The following WNT1 variants were observed in gnomAD, a reference collection of about 807,000 sequenced individuals.
WNT1 encodes the protein Wnt family member 1, also known as proto-oncogene Wnt-1.
In WNT1, 10 loss-of-function variants were observed where a neutral mutation model predicts 21.3. The observed-to-expected ratio is 0.47, with a 90% CI of 0.29 to 0.80. WNT1 has a LOEUF of 0.80. Ranked by LOEUF, WNT1 falls within the 30% of genes least tolerant of loss-of-function variation. The probability of loss-of-function intolerance (pLI) is 0.09; values close to 1 mark genes in which losing one functional copy is unlikely to be tolerated. For synonymous variants in WNT1, 208 were observed against 236.3 expected (o/e 0.88, Z 1.10); for missense variants, 476 against 534.1 (o/e 0.89, Z 1.07).
Position 48,979,579 on chromosome 12 carries a change from A to G in WNT1, c.216A>G (p.Ile72Met). The G allele has an allele frequency of 6.2e-7, 1 of 1,614,108 alleles. No individual in the cohort carries two copies. The highest frequency in any genetic ancestry group is 8.5e-7 in the Non-Finnish European group (1 of 1,180,036). ...QLLSRKQRRL[I>M]RQNPGILHSV... is the part of the protein sequence containing the mutation. ...TGAGCCGCAAACAGCGGCGTCTGAT[A>G]CGCCAAAATCCGGGGATCCTGCACA... The change falls in exon 2 of 4, where the codon ATA (isoleucine) becomes ATG (methionine). Residue 72 changes from isoleucine to methionine, a missense_variant. Ile to Met is a conservative substitution (Grantham distance 10, BLOSUM62 1). Coordinates refer to ENST00000293549, the MANE Select transcript of WNT1 (RefSeq NM_005430.4). The surrounding 1 kb of genome is among the most constrained non-coding windows in gnomAD (Gnocchi z 6.0).
chr12:48,981,099 G>A lies in WNT1; in HGVS notation c.625-53G>A. 1 of 1,594,674 alleles carries A rather than the reference G, an allele frequency of 6.3e-7. No individual in the cohort carries two copies. Among genetic ancestry groups the A allele is most frequent in the South Asian group, 1.1e-5 (1 of 88,198 alleles). ...GTCCGGGAGAGGGCAGTGTCTGGGAGGGTGACTCTGGCCCGGTGCCCTGGG... is the reference window on the plus strand; with the variant it reads ...GTCCGGGAGAGGGCAGTGTCTGGGAAGGTGACTCTGGCCCGGTGCCCTGGG... On this transcript the variant is annotated intron_variant, in intron 3 of 3. Transcript: ENST00000293549. This position sits in a 1 kb window ranked among gnomAD's most constrained non-coding sequence, Gnocchi z 7.4.
Position 48,980,762 on chromosome 12 carries a change from G to A in WNT1, c.624+73G>A. ...CCTCGGGCTGGGGAAGTGACGGTCG[G>A]TGAGATAAGGCAAGGGGCACCAGGA... On this transcript the variant is annotated intron_variant, in intron 3 of 3. Transcript: ENST00000293549. This position sits in a 1 kb window ranked among gnomAD's most constrained non-coding sequence, Gnocchi z 7.0. The A allele has an allele frequency of 4.8e-6, 7 of 1,468,598 alleles. No homozygotes were observed. The highest frequency in any genetic ancestry group is 5.4e-6 in the Non-Finnish European group (6 of 1,109,952). 91.0% of individuals were successfully genotyped at this position (1,468,598 alleles called of 1,614,324 possible).
At position 48,978,834 on chromosome 12, in the gene WNT1, G is replaced by A. The variant is rs540816737; in HGVS notation, c.104+80G>A. 6.4e-5 allele frequency: 64 copies of A among 1,005,512 alleles called. 1 individual carries two copies. In the South Asian group the frequency reaches 1.0e-3, roughly 16 times the overall value. The allele number at this position is 1,005,512 out of a possible 1,614,324, so 62.3% of individuals were successfully genotyped here. On this transcript the variant is annotated intron_variant, in intron 1 of 3. Coordinates refer to ENST00000293549, the MANE Select transcript of WNT1 (RefSeq NM_005430.4). The surrounding 1 kb of genome is among the most constrained non-coding windows in gnomAD (Gnocchi z 7.4). ...AACCCTACCCAGCTCCCACGCTCTG[G>A]GATCCGTCTGCCGACAGGCTCCCTC...
In WNT1 at chr12:48,979,612, T is replaced by C. The variant is rs766496538; in HGVS notation, c.249T>C (p.Ser83=). The C allele has an allele frequency of 2.5e-6, 4 of 1,613,810 alleles. No homozygotes were observed. The highest frequency in any genetic ancestry group is 3.4e-6 in the Non-Finnish European group (4 of 1,179,964). Residue 83 remains serine (S), a synonymous_variant, in exon 2 of 4, where the codon AGT becomes AGC. Coordinates refer to ENST00000293549, the MANE Select transcript of WNT1 (RefSeq NM_005430.4). The surrounding 1 kb of genome is among the most constrained non-coding windows in gnomAD (Gnocchi z 6.0). ...ATCCGGGGATCCTGCACAGCGTGAG[T>C]GGGGGGCTGCAGAGTGCCGTGCGCG... ...RQNPGILHSV[S]GGLQSAVREC...
rs567315058 is a variant in WNT1 at position 48,978,483 on chromosome 12, C to T, written c.-168C>T. On this transcript the variant is annotated 5_prime_UTR_variant, in exon 1 of 4. Transcript: ENST00000293549. This position sits in a 1 kb window ranked among gnomAD's most constrained non-coding sequence, Gnocchi z 7.4. Reference sequence around the variant, plus strand: ...GCCGCCCGCCGTGGCCGCCTCAGCCCACCAGCCGGGACCGCGAGCCATGCT... The same window carrying T: ...GCCGCCCGCCGTGGCCGCCTCAGCCTACCAGCCGGGACCGCGAGCCATGCT... 2.0e-5 allele frequency: 12 copies of T among 606,150 alleles called. No individual in the cohort carries two copies. Among genetic ancestry groups the T allele is most frequent in the South Asian group, 1.9e-4 (10 of 52,304 alleles). 37.5% of individuals were successfully genotyped at this position (606,150 alleles called of 1,614,324 possible).
Position 48,978,634 on chromosome 12 carries a change from GC to G in WNT1, c.-16del. On this transcript the variant is annotated 5_prime_UTR_variant, in exon 1 of 4. Coordinates refer to ENST00000293549, the MANE Select transcript of WNT1 (RefSeq NM_005430.4). The surrounding 1 kb of genome is among the most constrained non-coding windows in gnomAD (Gnocchi z 7.4). ...TCGCCGCAACTGCAGCACAGAGCGG[GC>G]AAAGCCAGGCAGGCCATGGGGCTCT... 1 of 1,567,020 alleles carries G rather than the reference GC, an allele frequency of 6.4e-7. No homozygotes were observed. Among genetic ancestry groups the G allele is most frequent in the Non-Finnish European group, 8.6e-7 (1 of 1,158,884 alleles).
At position 48,979,433 on chromosome 12, in the gene WNT1, C is replaced by T. The variant is rs759210671; in HGVS notation, c.105-35C>T. On this transcript the variant is annotated intron_variant, in intron 1 of 3. Transcript: ENST00000293549. This position sits in a 1 kb window ranked among gnomAD's most constrained non-coding sequence, Gnocchi z 6.0. The stretch of plus-strand genomic sequence containing the variant: ...GTTTTTATGGTTAGGGTGCGGATCC[C>T]CTTCCTGAGCCTGAGCTATCATACG... 2 of 1,569,262 alleles carry T rather than the reference C, an allele frequency of 1.3e-6. No individual in the cohort carries two copies. Among genetic ancestry groups the T allele is most frequent in the South Asian group, 2.3e-5 (2 of 88,210 alleles).
chr12:48,981,070 T>C lies in WNT1; in HGVS notation c.625-82T>C, dbSNP rs1276778481. ...GGCCTTTGCTGAGGTCCGGCCCCCG[T>C]GGCGTCCGGGAGAGGGCAGTGTCTG... On this transcript the variant is annotated intron_variant, in intron 3 of 3. Transcript: ENST00000293549. This position sits in a 1 kb window ranked among gnomAD's most constrained non-coding sequence, Gnocchi z 7.4. 3 of 1,546,334 alleles carry C rather than the reference T, an allele frequency of 1.9e-6. No homozygotes were observed. The highest frequency in any genetic ancestry group is 1.2e-5 in the South Asian group (1 of 81,104).
In WNT1 at chr12:48,980,201, A is replaced by G. The variant is rs1365208230; in HGVS notation, c.359-223A>G. 1.3e-5 allele frequency among the ~76,000 whole-genome samples: 2 copies of G among 152,230 alleles called. No individual in the cohort carries two copies. Among genetic ancestry groups the G allele is most frequent in the Admixed American group, 1.3e-4 (2 of 15,294 alleles). ...CCGCTATCGAGCCAAAATGCGCCCT[A>G]GAATCTCCCAGTAAGGTGTGATTAC... On this transcript the variant is annotated intron_variant, in intron 2 of 3. Coordinates refer to ENST00000293549, the MANE Select transcript of WNT1 (RefSeq NM_005430.4). This position sits in a 1 kb window ranked among gnomAD's most constrained non-coding sequence, Gnocchi z 7.0.
chr12:48,980,606 G>A lies in WNT1; in HGVS notation c.541G>A (p.Gly181Ser), dbSNP rs201861196. The change falls in exon 3 of 4, where the codon GGC becomes AGC. Residue 181 changes from glycine (G) to serine (S), a missense_variant. By Grantham distance (56) the Gly-to-Ser change is moderately conservative. Transcript: ENST00000293549. The surrounding 1 kb of genome is among the most constrained non-coding windows in gnomAD (Gnocchi z 7.0). ...SDNIDFGRLF[G>S]REFVDSGEKG... ...CAACATTGACTTCGGCCGCCTCTTCGGCCGGGAGTTCGTGGACTCCGGGGA... is the reference window on the plus strand; with the variant it reads ...CAACATTGACTTCGGCCGCCTCTTCAGCCGGGAGTTCGTGGACTCCGGGGA... 771 of 1,604,584 alleles carry A rather than the reference G, an allele frequency of 4.8e-4. No individual in the cohort carries two copies. Among genetic ancestry groups the A allele is most frequent in the Non-Finnish European group, 6.1e-4 (715 of 1,175,220 alleles).
rs1375656986 is a variant in WNT1 at position 48,978,585 on chromosome 12, C to T, written c.-66C>T. On this transcript the variant is annotated 5_prime_UTR_variant, in exon 1 of 4. Coordinates refer to ENST00000293549, the MANE Select transcript of WNT1 (RefSeq NM_005430.4). This position sits in a 1 kb window ranked among gnomAD's most constrained non-coding sequence, Gnocchi z 7.4. ...CTGCCGCCACCGCCGCGTCCCGTCCCACCGTCGCGGGCAACAACCAAAGTC... is the reference window on the plus strand; with the variant it reads ...CTGCCGCCACCGCCGCGTCCCGTCCTACCGTCGCGGGCAACAACCAAAGTC... The T allele has an allele frequency of 1.7e-6, 2 of 1,207,448 alleles. No homozygotes were observed. The highest frequency in any genetic ancestry group is 1.5e-5 in the African/African-American group (1 of 66,096). 74.8% of individuals were successfully genotyped at this position (1,207,448 alleles called of 1,614,324 possible).
In WNT1 at chr12:48,980,374, G is replaced by A; in HGVS notation, c.359-50G>A. On this transcript the variant is annotated intron_variant, in intron 2 of 3. Transcript: ENST00000293549. This position sits in a 1 kb window ranked among gnomAD's most constrained non-coding sequence, Gnocchi z 7.0. Reference sequence around the variant, plus strand: ...GTCCCAAGCCCTTCATGAGGGTGCTGGCCGCGCCCCGCGTACCCCCTCGCT... The same window carrying A: ...GTCCCAAGCCCTTCATGAGGGTGCTAGCCGCGCCCCGCGTACCCCCTCGCT... The A allele has an allele frequency of 6.2e-7, 1 of 1,609,078 alleles. No homozygotes were observed. The highest frequency in any genetic ancestry group is 8.5e-7 in the Non-Finnish European group (1 of 1,176,508).
In WNT1 at chr12:48,978,851, G is replaced by A. The variant is rs1940971226; in HGVS notation, c.104+97G>A. 9.4e-6 allele frequency: 8 copies of A among 853,688 alleles called. No individual in the cohort carries two copies. Among genetic ancestry groups the A allele is most frequent in the Non-Finnish European group, 1.4e-5 (8 of 568,146 alleles). The allele number at this position is 853,688 out of a possible 1,614,324, so 52.9% of individuals were successfully genotyped here. On this transcript the variant is annotated intron_variant, in intron 1 of 3. Coordinates refer to ENST00000293549, the MANE Select transcript of WNT1 (RefSeq NM_005430.4). The surrounding 1 kb of genome is among the most constrained non-coding windows in gnomAD (Gnocchi z 7.4). ...ACGCTCTGGGATCCGTCTGCCGACA[G>A]GCTCCCTCCCCGCTCTGACTTCCCT...
At position 48,981,837 on chromosome 12, in the gene WNT1, T is replaced by C. The variant is rs1941019688; in HGVS notation, c.*197T>C. On this transcript the variant is annotated 3_prime_UTR_variant, in exon 4 of 4. Coordinates refer to ENST00000293549, the MANE Select transcript of WNT1 (RefSeq NM_005430.4). This position sits in a 1 kb window ranked among gnomAD's most constrained non-coding sequence, Gnocchi z 7.4. ...CACTTGCCTGGGGCGGCATGAACCC[T>C]CTTGCCATCCTGATGGACCTGCCCC... Among the ~76,000 whole-genome samples the C allele has an allele frequency of 6.6e-6, 1 of 152,130 alleles. No homozygotes were observed. The highest frequency in any genetic ancestry group is 1.5e-5 in the Non-Finnish European group (1 of 68,026).
rs1196449312 is a variant in WNT1 at position 48,979,699 on chromosome 12, C to G, written c.336C>G (p.Leu112=). The part of the protein sequence containing the change: ...WNCPTAPGPH[L]FGKIVNRGCR... Reference sequence around the variant, plus strand: ...GTCCCACTGCTCCAGGGCCCCACCTCTTCGGCAAGATCGTCAACCGAGGTG... The same window carrying G: ...GTCCCACTGCTCCAGGGCCCCACCTGTTCGGCAAGATCGTCAACCGAGGTG... The change falls in exon 2 of 4, where the codon CTC becomes CTG. Residue 112 remains leucine, a synonymous_variant. Transcript: ENST00000293549. This position sits in a 1 kb window ranked among gnomAD's most constrained non-coding sequence, Gnocchi z 6.0. The G allele has an allele frequency of 5.0e-6, 8 of 1,595,470 alleles. No individual in the cohort carries two copies. Among genetic ancestry groups the G allele is most frequent in the Non-Finnish European group, 6.9e-6 (8 of 1,166,542 alleles).
At position 48,981,958 on chromosome 12, in the gene WNT1, G is replaced by GGTCGGCTCCTGATGGT. The variant is rs1941022369; in HGVS notation, c.*322_*337dup. 6.6e-6 allele frequency among the ~76,000 whole-genome samples: 1 copy of GGTCGGCTCCTGATGGT among 152,114 alleles called. No individual in the cohort carries two copies. The highest frequency in any genetic ancestry group is 1.5e-5 in the Non-Finnish European group (1 of 68,036). ...GAAGGATGGGTCCCCTCCGCCATGG[G>GGTCGGCTCCTGATGGT]GTCGGCTCCTGATGGTGTCATTCTG... On this transcript the variant is annotated 3_prime_UTR_variant, in exon 4 of 4. Coordinates refer to ENST00000293549, the MANE Select transcript of WNT1 (RefSeq NM_005430.4). The surrounding 1 kb of genome is among the most constrained non-coding windows in gnomAD (Gnocchi z 7.4).
Position 48,979,816 on chromosome 12 carries a change from C to G in WNT1, c.358+95C>G. 7.0e-7 allele frequency: 1 copy of G among 1,434,944 alleles called. No individual in the cohort carries two copies. The highest frequency in any genetic ancestry group is 1.4e-5 in the African/African-American group (1 of 69,924). The allele number at this position is 1,434,944 out of a possible 1,614,324, so 88.9% of individuals were successfully genotyped here. ...GCGAGTTCAGAGAAGGTGTCCCAGG[C>G]GCCTGGAGGGTCACACAATCAACCT... is the stretch of plus-strand genomic sequence containing the variant. On this transcript the variant is annotated intron_variant, in intron 2 of 3. Transcript: ENST00000293549. The surrounding 1 kb of genome is among the most constrained non-coding windows in gnomAD (Gnocchi z 6.0).
chr12:48,980,516 T>G lies in WNT1; in HGVS notation c.451T>G (p.Cys151Gly). The change falls in exon 3 of 4, where the codon TGC (cysteine) becomes GGC (glycine). Residue 151 changes from cysteine (C) to glycine (G), a missense_variant. Coordinates refer to ENST00000293549, the MANE Select transcript of WNT1 (RefSeq NM_005430.4). This position sits in a 1 kb window ranked among gnomAD's most constrained non-coding sequence, Gnocchi z 7.0. ...CTGCTCAGAAGGTTCCATCGAATCCTGCACGTGTGACTACCGGCGGCGCGG... is the reference window on the plus strand; with the variant it reads ...CTGCTCAGAAGGTTCCATCGAATCCGGCACGTGTGACTACCGGCGGCGCGG... ...RSCSEGSIES[C>G]TCDYRRRGPG... is the part of the protein sequence containing the mutation. 1 of 1,614,170 alleles carries G rather than the reference T, an allele frequency of 6.2e-7. No individual in the cohort carries two copies. The highest frequency in any genetic ancestry group is 8.5e-7 in the Non-Finnish European group (1 of 1,180,004).
chr12:48,980,518 C>G lies in WNT1; in HGVS notation c.453C>G (p.Cys151Trp). ...RSCSEGSIESCTCDYRRRGPG... is the reference protein window; with the variant it reads ...RSCSEGSIESWTCDYRRRGPG... ...GCTCAGAAGGTTCCATCGAATCCTG[C>G]ACGTGTGACTACCGGCGGCGCGGCC... Residue 151 changes from cysteine (C) to tryptophan (W), a missense_variant, in exon 3 of 4, where the codon TGC becomes TGG. Transcript: ENST00000293549. This position sits in a 1 kb window ranked among gnomAD's most constrained non-coding sequence, Gnocchi z 7.0. 6.2e-7 allele frequency: 1 copy of G among 1,614,168 alleles called. No individual in the cohort carries two copies.
Sources: gnomAD v4.1 joint callset for allele counts (sites outside exome capture counted in the v4.1 genomes callset) on GRCh38, gnomAD v4.1.1 for gene constraint, Gnocchi (gnomAD v3.1) non-coding constraint, MANE v1.5 for transcripts, NCBI Gene and HGNC (gene_info 2026-07-23, HGNC 2026-07-21) for gene names.